The following ATP6V1B2 variants were observed in gnomAD, a reference collection of about 807,000 sequenced individuals.
The protein encoded by ATP6V1B2 is ATPase H+ transporting V1 subunit B2.
Under a neutral mutation model 66.7 loss-of-function variants are expected in ATP6V1B2, and 23 were observed. The observed-to-expected ratio is 0.34, with a 90% confidence interval of 0.25 to 0.49. The LOEUF (loss-of-function observed/expected upper bound fraction) is 0.49, where lower values mean the gene tolerates loss of function less well. Ranked by LOEUF, ATP6V1B2 falls within the 20% of genes least tolerant of loss-of-function variation. The pLI, the probability that ATP6V1B2 is intolerant of heterozygous loss-of-function variation, is 0.99. For synonymous variants in ATP6V1B2, 278 were observed against 236.7 expected, an observed-to-expected ratio of 1.17 and a Z score of -1.60; for missense variants, 478 against 650.8, an observed-to-expected ratio of 0.73 and a Z score of 2.89.
In ATP6V1B2 at chr8:20,221,320, G is replaced by C. The variant is rs1049037567; in HGVS notation, c.*918G>C. ...TACGGATATTTTAAACTCTGTTAGAGAGCAGCCTTTGAAAATCCCCAATTT... is the reference window on the plus strand; with the variant it reads ...TACGGATATTTTAAACTCTGTTAGACAGCAGCCTTTGAAAATCCCCAATTT... On this transcript the variant is annotated 3_prime_UTR_variant, in exon 14 of 14. Transcript: ENST00000276390. 1 of 152,230 alleles carries C rather than the reference G, an allele frequency of 6.6e-6. No individual in the cohort carries two copies. The highest frequency in any genetic ancestry group is 6.5e-5 in the Admixed American group (1 of 15,286). 9.4% of individuals were successfully genotyped at this position (152,230 alleles called of 1,614,324 possible).
intron 7 of ATP6V1B2, among the ~76,000 whole-genome samples, 159 bp downstream of exon 7, chr8:20,211,912 A>G (rs2072799013): frequency 6.6e-6 from 1 of 152,186 alleles, no homozygotes; most frequent in East Asian, 1.9e-4. Context: ...GCATTTGACT[A>G]ATTTGAAATT....
chr8:20,210,558 C>T lies in ATP6V1B2; in HGVS notation c.386-11C>T. 1 of 1,613,544 alleles carries T rather than the reference C, an allele frequency of 6.2e-7. No individual in the cohort carries two copies. The highest frequency in any genetic ancestry group is 8.5e-7 in the Non-Finnish European group (1 of 1,179,556). ...GCATCTACTCTGTCCTGTCTTCTTACTGATTTCTAGGTCGGGTATTCAATG... is the reference window on the plus strand; with the variant it reads ...GCATCTACTCTGTCCTGTCTTCTTATTGATTTCTAGGTCGGGTATTCAATG... On this transcript the variant is annotated splice_polypyrimidine_tract_variant and intron_variant, in intron 4 of 13. Transcript: ENST00000276390.
chr8:20,199,295 A>G (rs1308918092), intron 1 of ATP6V1B2, among the ~76,000 whole-genome samples: 1 of 152,198 alleles, frequency 6.6e-6, no homozygotes, highest in Non-Finnish European at 1.5e-5. Flanking sequence ...TTATGTCCCC[A>G]CTGCCTAGCA....
Position 20,220,423 on chromosome 8 carries a change from C to A in ATP6V1B2, c.*21C>A. On this transcript the variant is annotated 3_prime_UTR_variant, in exon 14 of 14. Coordinates refer to ENST00000276390, the MANE Select transcript of ATP6V1B2 (RefSeq NM_001693.4). ...ATTAGCTGCTGCTTCTGCATTGCTC[C>A]GCGCTCTTGTGAAATACTGGTTCTG... The A allele has an allele frequency of 6.5e-7, 1 of 1,537,374 alleles. No homozygotes were observed. The highest frequency in any genetic ancestry group is 8.7e-7 in the Non-Finnish European group (1 of 1,148,924).
intron 9 of ATP6V1B2, chr8:20,214,591 T>C: frequency 2.7e-6 from 1 of 370,356 alleles, no homozygotes; most frequent in Admixed American, 4.6e-5. Flanking sequence ...ATTATGGCAA[T>C]ACGATTTTAG....
At chr8:20,213,193 A>T in intron 9 of ATP6V1B2, 1 of 344,522 alleles carries the variant, frequency 2.9e-6, no homozygotes, top group Non-Finnish European at 5.4e-6. Context: ...TTATTCAGTT[A>T]CTCTCTCGGG....
chr8:20,214,025 C>G (rs2072824400), intron 9 of ATP6V1B2: 1 of 152,202 alleles, frequency 6.6e-6, no homozygotes, highest in Non-Finnish European at 1.5e-5. Context: ...TTTCTAAATG[C>G]TTATCTTGCT....
In ATP6V1B2 at chr8:20,202,141, T is replaced by G. The variant is rs139134264; in HGVS notation, c.137-2343T>G. Among the ~76,000 whole-genome samples, 35 of 152,304 alleles carry G rather than the reference T, an allele frequency of 2.3e-4. No homozygotes were observed. In the East Asian group the frequency reaches 6.4e-3, roughly 28 times the overall value. On this transcript the variant is annotated intron_variant, in intron 1 of 13. Coordinates refer to ENST00000276390, the MANE Select transcript of ATP6V1B2 (RefSeq NM_001693.4). ...AAAGTAAAAACCTGTTTTGCATACC[T>G]AAAATTGCAGGCTTGTGAAATTGTT... is the stretch of plus-strand genomic sequence containing the variant.
At chr8:20,203,189 GA>G (rs140592350) in intron 1 of ATP6V1B2, among the ~76,000 whole-genome samples, 9 of 150,746 alleles carry the variant, frequency 6.0e-5, no homozygotes, top group South Asian at 2.1e-4. Flanking sequence ...CTAAAGTGGG[GA>G]AAAAAAAATA....
chr8:20,216,699 C>G (rs964916488), intron 11 of ATP6V1B2: 23 of 457,252 alleles, frequency 5.0e-5, no homozygotes, highest in Non-Finnish European at 8.5e-5. Flanking sequence ...TTAACACTTT[C>G]CTTTATTGTG....
At position 20,211,322 on chromosome 8, in the gene ATP6V1B2, G is replaced by C; in HGVS notation, c.603+6G>C. 3 of 1,608,084 alleles carry C rather than the reference G, an allele frequency of 1.9e-6. No homozygotes were observed. The highest frequency in any genetic ancestry group is 2.5e-6 in the Non-Finnish European group (3 of 1,178,262). On this transcript the variant is annotated splice_donor_region_variant and intron_variant, in intron 6 of 13. Coordinates refer to ENST00000276390, the MANE Select transcript of ATP6V1B2 (RefSeq NM_001693.4). ...CTGGGCTACCACACAATGAGGTGAGGACTGGGATCGGTTTGCTATGAAGTT... is the reference window on the plus strand; with the variant it reads ...CTGGGCTACCACACAATGAGGTGAGCACTGGGATCGGTTTGCTATGAAGTT...
At chr8:20,209,588 T>A (rs2072772903) in intron 3 of ATP6V1B2, 57 bp downstream of exon 3, 1 of 1,448,778 alleles carries the variant, frequency 6.9e-7, no homozygotes, top group Admixed American at 1.7e-5. Flanking sequence ...TAGGGAACAC[T>A]GCTTGTTTCT....
chr8:20,214,601 G>A (rs2072831253), intron 9 of ATP6V1B2: 1 of 407,020 alleles, frequency 2.5e-6, no homozygotes, highest in Non-Finnish European at 4.1e-6. Flanking sequence ...TACGATTTTA[G>A]CAAAAACCTT....
chr8:20,220,238 A>G (rs1166170602), intron 13 of ATP6V1B2, 25 bp from the exon 14 acceptor site: 2 of 1,602,210 alleles, frequency 1.2e-6, no homozygotes, highest in East Asian at 4.5e-5. Context: ...ATTTGCATTT[A>G]TTAATTCAAT....
intron 6 of ATP6V1B2, 29 bp from the exon 7 acceptor site, chr8:20,211,623 C>T: frequency 1.3e-6 from 2 of 1,568,926 alleles, no homozygotes; most frequent in Non-Finnish European, 1.7e-6. Context: ...TTTTAGATTT[C>T]AACTGAATTC....
rs773692536 is a variant in ATP6V1B2 at position 20,218,157 on chromosome 8, C to T, written c.1271C>T (p.Ala424Val). Residue 424 changes from alanine to valine, a missense_variant, in exon 13 of 14, where the codon GCG becomes GTG. By Grantham distance (64) the Ala-to-Val change is moderately conservative (BLOSUM62 0). Coordinates refer to ENST00000276390, the MANE Select transcript of ATP6V1B2 (RefSeq NM_001693.4). ...GGGTGCCTTTCTTCTCTTTAGTATG[C>T]GTGCTATGCTATTGGAAAGGATGTG... ...DHADVSNQLY[A>V]CYAIGKDVQA... 3.1e-6 allele frequency: 5 copies of T among 1,611,902 alleles called. No homozygotes were observed. The highest frequency in any genetic ancestry group is 4.2e-6 in the Non-Finnish European group (5 of 1,178,902).
At chr8:20,216,526 G>T in intron 11 of ATP6V1B2, 31 bp downstream of exon 11, 1 of 1,576,388 alleles carries the variant, frequency 6.3e-7, no homozygotes, top group South Asian at 1.1e-5. Flanking sequence ...TGGGAAGCTT[G>T]CAGACCTGCT....
At position 20,197,489 on chromosome 8, in the gene ATP6V1B2, C is replaced by A; in HGVS notation, c.83C>A (p.Ala28Asp). Residue 28 changes from alanine (A) to aspartate (D), a missense_variant, in exon 1 of 14, where the codon GCT becomes GAT. Ala to Asp is a moderately radical substitution (Grantham distance 126, BLOSUM62 -2). Coordinates refer to ENST00000276390, the MANE Select transcript of ATP6V1B2 (RefSeq NM_001693.4). ...CCCACCGGTGGGCCGGCGGTGGGAGCTCGGGAGCAGGCGCTGGCAGTCAGT... is the reference window on the plus strand; with the variant it reads ...CCCACCGGTGGGCCGGCGGTGGGAGATCGGGAGCAGGCGCTGGCAGTCAGT... ...PVPTGGPAVG[A>D]REQALAVSRN... 1 of 1,506,974 alleles carries A rather than the reference C, an allele frequency of 6.6e-7. No homozygotes were observed. Among genetic ancestry groups the A allele is most frequent in the Non-Finnish European group, 8.9e-7 (1 of 1,127,496 alleles). 93.4% of individuals were successfully genotyped at this position (1,506,974 alleles called of 1,614,324 possible).
At chr8:20,210,697 G>A in intron 5 of ATP6V1B2, 51 bp downstream of exon 5, 2 of 1,515,378 alleles carry the variant, frequency 1.3e-6, no homozygotes, top group Admixed American at 1.7e-5. Flanking sequence ...ACCTCACTCT[G>A]TCTTGTACCT....
Sources: gnomAD v4.1 joint callset for allele counts (sites outside exome capture counted in the v4.1 genomes callset) on GRCh38, gnomAD v4.1.1 for gene constraint, MANE v1.5 for transcripts, NCBI Gene and HGNC (gene_info 2026-07-23, HGNC 2026-07-21) for gene names.